Variants in LPP observed in about 807,000 individuals in gnomAD.
LPP encodes lipoma-preferred partner.
Under a neutral mutation model 60.4 loss-of-function variants are expected in LPP, and 38 were observed. The observed-to-expected ratio is 0.63, with a 90% confidence interval of 0.49 to 0.83. The LOEUF (loss-of-function observed/expected upper bound fraction) is 0.83. Ranked by LOEUF, LPP falls within the 40% of genes least tolerant of loss-of-function variation. LPP has a pLI of 0.00. For synonymous variants in LPP, 328 were observed against 290.8 expected, an observed-to-expected ratio of 1.13 and a Z score of -1.30; for missense variants, 902 against 783.6, an observed-to-expected ratio of 1.15 and a Z score of -1.80.
At chr3:188,241,297 A>G (rs183434594) in intron 2 of LPP, among the ~76,000 whole-genome samples, 3 of 152,344 alleles carry the variant, frequency 2.0e-5, no homozygotes, top group Non-Finnish European at 2.9e-5. Context: ...CTGATCCTGC[A>G]TGACTGGGTA....
intron 1 of LPP, among the ~76,000 whole-genome samples, chr3:188,181,776 C>T (rs1008469602): frequency 6.6e-6 from 1 of 152,196 alleles, no homozygotes; most frequent in African/African-American, 2.4e-5. Flanking sequence ...GGCTGGAGCA[C>T]AGTGGCATGA....
At chr3:188,432,198 T>C (rs1375131359) in intron 4 of LPP, among the ~76,000 whole-genome samples, 1 of 152,194 alleles carries the variant, frequency 6.6e-6, no homozygotes, top group African/African-American at 2.4e-5. Context: ...TTACAAAGAA[T>C]GGATCTTAGA....
At chr3:188,168,944 C>G (rs1185839555) in intron 1 of LPP, among the ~76,000 whole-genome samples, 1 of 152,104 alleles carries the variant, frequency 6.6e-6, no homozygotes, top group Non-Finnish European at 1.5e-5. Flanking sequence ...CTTGTTTATC[C>G]CCATCAGTTT....
At chr3:188,268,291 A>C (rs1353808291) in intron 2 of LPP, among the ~76,000 whole-genome samples, 1 of 152,182 alleles carries the variant, frequency 6.6e-6, no homozygotes, top group African/African-American at 2.4e-5. Context: ...ACAAAAACAA[A>C]AAAAACAAAA....
chr3:188,305,519 T>G, intron 2 of LPP, among the ~76,000 whole-genome samples: 1 of 152,138 alleles, frequency 6.6e-6, no homozygotes, highest in Non-Finnish European at 1.5e-5. Context: ...GTGTCAATAT[T>G]TGAGATGAGT....
At chr3:188,179,281 T>C (rs1324770711) in intron 1 of LPP, 1 of 458,192 alleles carries the variant, frequency 2.2e-6, no homozygotes, top group African/African-American at 2.0e-5. Flanking sequence ...GCAGCGGAGC[T>C]TCTTTATCTG....
chr3:188,362,758 C>T (rs1430908119), intron 3 of LPP, among the ~76,000 whole-genome samples: 1 of 152,184 alleles, frequency 6.6e-6, no homozygotes, highest in Non-Finnish European at 1.5e-5. Flanking sequence ...AAATAAATCG[C>T]TAAAATCTGT....
At chr3:188,802,103 C>G (rs1454188338) in intron 9 of LPP, among the ~76,000 whole-genome samples, 1 of 152,024 alleles carries the variant, frequency 6.6e-6, no homozygotes, top group Non-Finnish European at 1.5e-5. Flanking sequence ...AACTATGACT[C>G]TTATGTTTTC....
intron 2 of LPP, among the ~76,000 whole-genome samples, chr3:188,335,963 A>G (rs915216153): frequency 2.2e-4 from 33 of 152,126 alleles, no homozygotes; most frequent in African/African-American, 7.2e-5. Context: ...AGATGCAGTG[A>G]TAGGGTCTCC....
intron 1 of LPP, among the ~76,000 whole-genome samples, chr3:188,158,806 T>G (rs769565451): frequency 9.2e-5 from 14 of 152,326 alleles, no homozygotes; most frequent in East Asian, 3.9e-4. Context: ...CTCTTTTCTA[T>G]GCCCACATGC....
chr3:188,530,310 C>A (rs529641170), intron 6 of LPP, among the ~76,000 whole-genome samples: 1 of 152,190 alleles, frequency 6.6e-6, no homozygotes, highest in East Asian at 1.9e-4. Flanking sequence ...ATAAAAAAAT[C>A]CTCCATGACG....
At chr3:188,850,802 C>T (rs1341485901) in intron 9 of LPP, among the ~76,000 whole-genome samples, 2 of 151,994 alleles carry the variant, frequency 1.3e-5, no homozygotes, top group Non-Finnish European at 1.5e-5. Context: ...CAGTTCTGGG[C>T]GCCACATGAT....
chr3:188,570,047 A>C (rs1315039378), intron 6 of LPP, among the ~76,000 whole-genome samples: 1 of 149,846 alleles, frequency 6.7e-6, no homozygotes, highest in Non-Finnish European at 1.5e-5. Context: ...GAGTAGTCAC[A>C]ATCTGATAGC....
chr3:188,860,126 A>G (rs1764832789), intron 9 of LPP, among the ~76,000 whole-genome samples: 1 of 151,984 alleles, frequency 6.6e-6, no homozygotes, highest in African/African-American at 2.4e-5. Flanking sequence ...TTGGAAGGTT[A>G]TCTAGTATAG....
intron 6 of LPP, among the ~76,000 whole-genome samples, chr3:188,530,002 T>G (rs1232364075): frequency 1.3e-5 from 2 of 152,230 alleles, no homozygotes; most frequent in African/African-American, 4.8e-5. Context: ...GTATTTGAGC[T>G]AACTTGGCTT....
At chr3:188,677,343 G>T (rs901354440) in intron 7 of LPP, among the ~76,000 whole-genome samples, 2 of 152,160 alleles carry the variant, frequency 1.3e-5, no homozygotes, top group African/African-American at 4.8e-5. Flanking sequence ...CTAAGTGAAT[G>T]TGACTTGTTA....
intron 6 of LPP, among the ~76,000 whole-genome samples, chr3:188,576,175 G>T (rs1313368237): frequency 6.6e-6 from 1 of 152,110 alleles, no homozygotes; most frequent in Non-Finnish European, 1.5e-5. Flanking sequence ...ATATTCTTTG[G>T]TCTTTGCACA....
chr3:188,198,940 A>T (rs1447101918), intron 1 of LPP, among the ~76,000 whole-genome samples: 1 of 152,152 alleles, frequency 6.6e-6, no homozygotes, highest in Non-Finnish European at 1.5e-5. Flanking sequence ...GGTATACAAC[A>T]ATCGTTTAGT....
At chr3:188,559,649 T>A (rs1830236818) in intron 6 of LPP, among the ~76,000 whole-genome samples, 1 of 152,120 alleles carries the variant, frequency 6.6e-6, no homozygotes, top group South Asian at 2.1e-4. Context: ...AGCCCCTCTG[T>A]CCGAGTCATT....
Sources: gnomAD v4.1 joint callset for allele counts (sites outside exome capture counted in the v4.1 genomes callset) on GRCh38, gnomAD v4.1.1 for gene constraint, MANE v1.5 for transcripts, NCBI Gene and HGNC (gene_info 2026-07-23, HGNC 2026-07-21) for gene names.